The following CDH5 variants were observed in gnomAD, a reference collection of about 807,000 sequenced individuals.
The protein encoded by CDH5 is cadherin-5.
A neutral mutation model predicts 62.0 loss-of-function variants in CDH5; 28 were observed. The observed-to-expected ratio is 0.45, with a 90% CI of 0.33 to 0.62. The LOEUF (loss-of-function observed/expected upper bound fraction) is 0.62, where lower values mean the gene tolerates loss of function less well. Ranked by LOEUF, CDH5 falls within the 20% of genes least tolerant of loss-of-function variation. The pLI is 0.02. For synonymous variants in CDH5, 464 were observed against 445.8 expected, an observed-to-expected ratio of 1.04 and a Z score of -0.52; for missense variants, 940 against 1,065.1, an observed-to-expected ratio of 0.88 and a Z score of 1.63.
At chr16:66,402,438 TGGCGGGGATGGGGGTATGGGGGAAC>T (rs1418749274) in intron 11 of CDH5, among the ~76,000 whole-genome samples, 189 bp from the exon 12 acceptor site, 2 of 69,890 alleles carry the variant, frequency 2.9e-5, no homozygotes, top group South Asian at 6.3e-4. Flanking sequence ...TGTAGGGGGA[TGGCGGGGATGGGGGTATGGGGGAAC>T]GGCGGGGATG....
chr16:66,379,171 G>A (rs1960837786), intron 1 of CDH5, 148 bp from the exon 2 acceptor site: 1 of 656,624 alleles, frequency 1.5e-6, no homozygotes, highest in South Asian at 2.0e-5. Context: ...CTCCCTGAAA[G>A]GGGGAACAAT....
chr16:66,384,661 C>CAAAAAAAAAAAA (rs10630303), intron 2 of CDH5, among the ~76,000 whole-genome samples: 1 of 101,600 alleles, frequency 9.8e-6, no homozygotes. Flanking sequence ...GTACCTGTCT[C>CAAAAAAAAAAAA]AAAAAAAAAA....
chr16:66,367,175 C>T (rs1960602484), intron 1 of CDH5, among the ~76,000 whole-genome samples: 1 of 152,232 alleles, frequency 6.6e-6, no homozygotes, highest in African/African-American at 2.4e-5. Flanking sequence ...TTTACCAAGG[C>T]CTGACACCAG....
chr16:66,379,255 C>A, intron 1 of CDH5, 64 bp from the exon 2 acceptor site: 1 of 1,186,918 alleles, frequency 8.4e-7, no homozygotes, highest in Non-Finnish European at 1.2e-6. Flanking sequence ...TGTGAAATAC[C>A]TGTGTCTAAG....
chr16:66,401,937 T>C (rs1023522833), intron 11 of CDH5, among the ~76,000 whole-genome samples: 14 of 152,194 alleles, frequency 9.2e-5, no homozygotes, highest in African/African-American at 3.4e-4. Flanking sequence ...TCCAGGCCTC[T>C]CCTGCCTGTA....
chr16:66,389,249 A>T, intron 4 of CDH5, 109 bp from the exon 5 acceptor site: 1 of 1,045,488 alleles, frequency 9.6e-7, no homozygotes, highest in Admixed American at 2.5e-5. Flanking sequence ...CCATTTGCAC[A>T]GTGGAATCAC....
intron 1 of CDH5, among the ~76,000 whole-genome samples, chr16:66,368,027 C>T (rs896395050): frequency 2.6e-5 from 4 of 152,116 alleles, no homozygotes; most frequent in East Asian, 1.9e-4. Context: ...CCAGCAGGTA[C>T]GAGGAAGGGG....
chr16:66,370,531 G>A (rs1960668316), intron 1 of CDH5, among the ~76,000 whole-genome samples: 1 of 152,138 alleles, frequency 6.6e-6, no homozygotes, highest in Non-Finnish European at 1.5e-5. Context: ...GAAGGAGTGG[G>A]TGACAAGACC....
At position 66,400,839 on chromosome 16, in the gene CDH5, C is replaced by T; in HGVS notation, c.1660C>T (p.Pro554Ser). 2 of 1,614,220 alleles carry T rather than the reference C, an allele frequency of 1.2e-6. No homozygotes were observed. The highest frequency in any genetic ancestry group is 1.1e-5 in the South Asian group (1 of 91,086). The change falls in exon 11 of 12, where the codon CCC (proline) becomes TCC (serine). Residue 554 changes from proline to serine, a missense_variant. Pro to Ser is a moderately conservative substitution (Grantham distance 74, BLOSUM62 -1). Coordinates refer to ENST00000341529, the MANE Select transcript of CDH5 (RefSeq NM_001795.5). Reference protein sequence around the residue: ...DREHTKVHFLPVVISDNGMPS... With the variant: ...DREHTKVHFLSVVISDNGMPS... ...GGAGCATACCAAGGTCCACTTCCTACCCGTGGTCATCTCAGACAATGGGAT... is the reference window on the plus strand; with the variant it reads ...GGAGCATACCAAGGTCCACTTCCTATCCGTGGTCATCTCAGACAATGGGAT...
At chr16:66,380,835 A>G (rs79030231) in intron 2 of CDH5, among the ~76,000 whole-genome samples, 18,756 of 151,398 alleles carry the variant, frequency 0.12, 1,261 homozygotes, top group Middle Eastern at 0.22. Flanking sequence ...AGATGGTGGT[A>G]GTGATGATGG....
chr16:66,401,051 G>A (rs1437301478), intron 11 of CDH5, 35 bp downstream of exon 11: 1 of 1,612,800 alleles, frequency 6.2e-7, no homozygotes, highest in Admixed American at 1.7e-5. Context: ...AAGACACAGT[G>A]GGTGGAAGGG....
At chr16:66,388,527 C>A in intron 4 of CDH5, 87 bp downstream of exon 4, 1 of 845,242 alleles carries the variant, frequency 1.2e-6, no homozygotes, top group Non-Finnish European at 2.0e-6. Flanking sequence ...TAAGGGAAGT[C>A]CAGTCTGACA....
At chr16:66,395,827 C>T in intron 7 of CDH5, 1 of 433,288 alleles carries the variant, frequency 2.3e-6, no homozygotes, top group Non-Finnish European at 4.1e-6. Context: ...TCTCAGGTAC[C>T]ACCTCCAGTC....
intron 1 of CDH5, among the ~76,000 whole-genome samples, chr16:66,374,576 G>T (rs1317149254): frequency 2.0e-5 from 3 of 152,170 alleles, no homozygotes; most frequent in Non-Finnish European, 4.4e-5. Context: ...GCTTTGTTAT[G>T]TGGGGCCAGA....
intron 7 of CDH5, chr16:66,395,680 G>A (rs549808324): frequency 6.3e-6 from 1 of 159,088 alleles, no homozygotes; most frequent in South Asian, 2.0e-4. Flanking sequence ...TAATTTCTTT[G>A]TAATTACTTC....
At chr16:66,394,788 G>A (rs981660034) in intron 7 of CDH5, among the ~76,000 whole-genome samples, 8 of 133,350 alleles carry the variant, frequency 6.0e-5, no homozygotes, top group Non-Finnish European at 1.2e-4. Context: ...ATATTGAGAT[G>A]TTTAGTTAGA....
chr16:66,368,027 C>A (rs896395050), intron 1 of CDH5, among the ~76,000 whole-genome samples: 3 of 152,116 alleles, frequency 2.0e-5, no homozygotes, highest in Non-Finnish European at 2.9e-5. Context: ...CCAGCAGGTA[C>A]GAGGAAGGGG....
At chr16:66,371,748 G>T (rs1036169739) in intron 1 of CDH5, among the ~76,000 whole-genome samples, 19 of 152,164 alleles carry the variant, frequency 1.2e-4, no homozygotes, top group East Asian at 3.9e-4. Context: ...TGGTCAGGTC[G>T]AGGGGCAGGG....
Position 66,401,149 on chromosome 16 carries a change from A to C in CDH5, c.1837+133A>C, listed in dbSNP as rs924287938. On this transcript the variant is annotated intron_variant, in intron 11 of 11. Coordinates refer to ENST00000341529, the MANE Select transcript of CDH5 (RefSeq NM_001795.5). ...CAACCCTGCCTCCAATCTGCAATGC[A>C]GCCCTTAGCCAGTTCATGTGCAGGA... 5 of 1,164,806 alleles carry C rather than the reference A, an allele frequency of 4.3e-6. No individual in the cohort carries two copies. In the African/African-American group the frequency reaches 6.1e-5, roughly 14 times the overall value. 72.2% of individuals were successfully genotyped at this position (1,164,806 alleles called of 1,614,324 possible).
Sources: allele counts gnomAD v4.1 joint callset (sites outside exome capture counted in the v4.1 genomes callset), GRCh38; gene constraint gnomAD v4.1.1; transcripts MANE v1.5; gene names NCBI Gene and HGNC (gene_info 2026-07-23, HGNC 2026-07-21).